Variants in SCUBE2 observed in about 807,000 individuals in gnomAD.
The protein encoded by SCUBE2 is signal peptide, CUB and EGF-like domain-containing protein 2.
In SCUBE2, 114 loss-of-function variants were observed where a neutral mutation model predicts 125.9. That is an observed-to-expected ratio of 0.91 (90% CI 0.78 to 1.06). The LOEUF is 1.06. Among genes scored for constraint, SCUBE2 ranks in the 50% least tolerant of loss-of-function variants. SCUBE2 has a pLI of 0.00. For missense variants in SCUBE2, 1,255 were observed against 1,301.8 expected, an observed-to-expected ratio of 0.96 and a Z score of 0.55; for synonymous variants, 459 against 492.9, an observed-to-expected ratio of 0.93 and a Z score of 0.91.
chr11:9,022,164 C>T (rs1446063469), intron 21 of SCUBE2: 6 of 522,136 alleles, frequency 1.1e-5, no homozygotes, highest in South Asian at 6.5e-5. Flanking sequence ...CCATCTTCCC[C>T]GTCCCCTCTT....
chr11:9,030,253 A>C, intron 18 of SCUBE2: 1 of 591,972 alleles, frequency 1.7e-6, no homozygotes, highest in Non-Finnish European at 3.0e-6. Flanking sequence ...GAGGAACAAG[A>C]TATGTGTGTA....
Position 9,066,548 on chromosome 11 carries a change from C to T in SCUBE2, c.760+149G>A. 5 of 667,532 alleles carry T rather than the reference C, an allele frequency of 7.5e-6. No homozygotes were observed. The South Asian group carries it at 8.9e-5, about 12-fold the overall frequency. The allele number at this position is 667,532 out of a possible 1,614,324, so 41.4% of individuals were successfully genotyped here. A position where few individuals can be genotyped will look rare whatever the true frequency, so the allele number is the denominator to read the frequency against. The stretch of plus-strand genomic sequence containing the variant: ...CCTTCCCCACAGGCCTAGACCACTC[C>T]CACTGTAGCATGCGAAGCAGCACAG... On this transcript the variant is annotated intron_variant, in intron 6 of 22. Coordinates refer to ENST00000649792, the MANE Select transcript of SCUBE2 (RefSeq NM_001367977.2).
In SCUBE2 at chr11:9,027,477, T is replaced by C; in HGVS notation, c.2588A>G (p.Glu863Gly). 6.2e-7 allele frequency: 1 copy of C among 1,614,058 alleles called. No homozygotes were observed. The highest frequency in any genetic ancestry group is 8.5e-7 in the Non-Finnish European group (1 of 1,180,000). The change falls in exon 20 of 23, where the codon GAG becomes GGG. Residue 863 changes from glutamate to glycine, a missense_variant. By Grantham distance (98) the Glu-to-Gly change is moderately conservative. Transcript: ENST00000649792. ...NYPGNYPANT[E>G]CTWTINPPPK... ...GGGTGGGTTGATGGTCCACGTACAC[T>C]CGGTGTTGGCTGGGTAATTGCCTGG... is the stretch of plus-strand genomic sequence containing the variant.
At chr11:9,047,674 G>T in intron 15 of SCUBE2, 112 bp from the exon 16 acceptor site, 1 of 1,156,296 alleles carries the variant, frequency 8.6e-7, no homozygotes, top group Non-Finnish European at 1.2e-6. Context: ...TGGACCGAAT[G>T]GGGAGAAACC....
In SCUBE2 at chr11:9,033,788, T is replaced by C; in HGVS notation, c.2011A>G (p.Arg671Gly). 3 of 1,613,938 alleles carry C rather than the reference T, an allele frequency of 1.9e-6. No homozygotes were observed. The highest frequency in any genetic ancestry group is 2.5e-6 in the Non-Finnish European group (3 of 1,179,940). The change falls in exon 17 of 23, where the codon AGG becomes GGG. Residue 671 changes from arginine to glycine, a missense_variant. By Grantham distance (125) the Arg-to-Gly change is moderately radical. This residue lies in a region of SCUBE2 where 515 missense variants were observed against 515.7 expected (regional missense o/e 1.00). Transcript: ENST00000649792. ...GHAENQCVSC[R>G]AGTYYDGARE... is the part of the protein sequence containing the mutation. ...GCTCCATCATAATAGGTCCCAGCCC[T>C]GCAACTGACTAGCCAAAAGGGAAAC...
At chr11:9,060,600 A>T (rs72547300) in intron 7 of SCUBE2, 76 bp from the exon 8 acceptor site, 33,138 of 1,235,496 alleles carry the variant, frequency 0.027, 554 homozygotes, top group Non-Finnish European at 0.033. Context: ...ACAGAAGCCA[A>T]GAAGCATGGT....
intron 19 of SCUBE2, 118 bp from the exon 20 acceptor site, chr11:9,027,679 A>T (rs1855911191): frequency 3.6e-6 from 3 of 833,480 alleles, no homozygotes; most frequent in African/African-American, 3.4e-5. Flanking sequence ...CATGAAAATG[A>T]CACCATCTGG....
At chr11:9,021,262 G>T in intron 22 of SCUBE2, 65 bp from the exon 23 acceptor site, 2 of 1,401,266 alleles carry the variant, frequency 1.4e-6, no homozygotes, top group Non-Finnish European at 1.9e-6. Flanking sequence ...TTTGCCCATG[G>T]AACTATAATG....
intron 9 of SCUBE2, 120 bp from the exon 10 acceptor site, chr11:9,056,029 CATT>C (rs1456602463): frequency 1.3e-6 from 1 of 758,124 alleles, no homozygotes; most frequent in East Asian, 2.5e-5. Flanking sequence ...GAGTAAAAAA[CATT>C]ATCTATCCAT....
chr11:9,074,728 C>A (rs973671385), intron 3 of SCUBE2, 113 bp from the exon 4 acceptor site: 4 of 1,228,664 alleles, frequency 3.3e-6, no homozygotes, highest in South Asian at 2.7e-5. Context: ...CACGTCCCTG[C>A]ACCACAGAAG....
chr11:9,053,139 C>T lies in SCUBE2; in HGVS notation c.1407G>A (p.Gly469=). Residue 469 remains glycine, a synonymous_variant, in exon 12 of 23, where the codon GGG becomes GGA. Transcript: ENST00000649792. ...LHCGKSGGGD[G]CFLRCHSGIH... ...TGCCAGAGTGACATCTGAGGAAGCA[C>T]CCGTCTCCTCCACCACTCTTACCGC... 6.2e-7 allele frequency: 1 copy of T among 1,614,200 alleles called. No individual in the cohort carries two copies. The highest frequency in any genetic ancestry group is 8.5e-7 in the Non-Finnish European group (1 of 1,180,032).
intron 17 of SCUBE2, among the ~76,000 whole-genome samples, chr11:9,032,974 C>T (rs903719142): frequency 3.3e-5 from 5 of 152,118 alleles, no homozygotes; most frequent in Admixed American, 1.3e-4. Flanking sequence ...GGGAGCAGCA[C>T]GAGGGGTCTT....
intron 2 of SCUBE2, among the ~76,000 whole-genome samples, chr11:9,081,792 T>C (rs1052850655): frequency 6.6e-6 from 1 of 152,258 alleles, no homozygotes; most frequent in Non-Finnish European, 1.5e-5. Flanking sequence ...GCTACGAGCA[T>C]GGGCATACGA....
intron 16 of SCUBE2, among the ~76,000 whole-genome samples, chr11:9,043,251 AATACATAC>A (rs199620023): frequency 7.2e-5 from 11 of 151,948 alleles, no homozygotes; most frequent in African/African-American, 2.2e-4. Flanking sequence ...CAGTATATAT[AATACATAC>A]ATACATACAT....
intron 16 of SCUBE2, among the ~76,000 whole-genome samples, 198 bp from the exon 17 acceptor site, chr11:9,033,994 G>A (rs1856547425): frequency 6.6e-6 from 1 of 152,192 alleles, no homozygotes; most frequent in Non-Finnish European, 1.5e-5. Context: ...CCCGTTAGAG[G>A]TGTTTACAGC....
chr11:9,053,871 C>A, intron 10 of SCUBE2, 112 bp from the exon 11 acceptor site: 1 of 1,315,006 alleles, frequency 7.6e-7, no homozygotes, highest in Non-Finnish European at 1.0e-6. Context: ...ACTCACTAAC[C>A]AAAGGAAGAC....
chr11:9,040,122 A>G (rs1275742583), intron 16 of SCUBE2, among the ~76,000 whole-genome samples: 1 of 152,188 alleles, frequency 6.6e-6, no homozygotes, highest in African/African-American at 2.4e-5. Flanking sequence ...CCGTGTCCAC[A>G]GTGGAGCGGA....
intron 21 of SCUBE2, chr11:9,022,175 C>A (rs1280106772): frequency 1.4e-5 from 7 of 516,136 alleles, no homozygotes; most frequent in Non-Finnish European, 2.1e-5. Context: ...GTCCCCTCTT[C>A]CCTCAGACGA....
In SCUBE2 at chr11:9,027,370, T is replaced by G. The variant is rs567046874; in HGVS notation, c.2695A>C (p.Lys899Gln). 27 of 1,613,940 alleles carry G rather than the reference T, an allele frequency of 1.7e-5. No individual in the cohort carries two copies. Among genetic ancestry groups the G allele is most frequent in the Non-Finnish European group, 2.1e-5 (25 of 1,179,950 alleles). Residue 899 changes from lysine to glutamine, a missense_variant, in exon 20 of 23, where the codon AAA becomes CAA. Physicochemically the swap from Lys to Gln is moderately conservative, Grantham distance 53 (BLOSUM62 1). Around this residue, in one of 3 missense-constraint regions of SCUBE2, gnomAD observed 515 missense variants for 515.7 expected, o/e 1.00. Transcript: ENST00000649792. ...GGGAGGGAGTGAGACGCACAGGTTT[T>G]CCGCATCACCAGATAGTCCCCACAG... is the stretch of plus-strand genomic sequence containing the variant. Reference protein sequence around the residue: ...DDCGDYLVMRKTSSSNSVTTY... With the variant: ...DDCGDYLVMRQTSSSNSVTTY...
Sources: gnomAD v4.1 joint callset for allele counts (sites outside exome capture counted in the v4.1 genomes callset) on GRCh38, gnomAD v4.1.1 for gene constraint, gnomAD v4.1.1 regional missense constraint, MANE v1.5 for transcripts, NCBI Gene and HGNC (gene_info 2026-07-23, HGNC 2026-07-21) for gene names.